The following TIRAP variants were observed in gnomAD, a reference collection of about 807,000 sequenced individuals.
TIRAP encodes TIR domain containing adaptor protein.
A neutral mutation model predicts 19.8 loss-of-function variants in TIRAP; 20 were observed. The ratio of observed to expected loss-of-function variants is 1.01; its 90% confidence interval spans 0.71 to 1.47. The LOEUF (loss-of-function observed/expected upper bound fraction) is 1.47, where lower values mean the gene tolerates loss of function less well. Among genes scored for constraint, TIRAP ranks in the 40% most tolerant of loss-of-function variants. The pLI is 0.00. For missense variants in TIRAP, 276 were observed against 285.1 expected, an observed-to-expected ratio of 0.97 and a Z score of 0.23; for synonymous variants, 125 against 121.7, an observed-to-expected ratio of 1.03 and a Z score of -0.18.
chr11:126,289,975 G>A (rs1009364606), intron 1 of TIRAP: 2 of 299,466 alleles, frequency 6.7e-6, no homozygotes, highest in Admixed American at 6.5e-5. Context: ...GATCAGTTTG[G>A]GAAACGTTAA....
chr11:126,294,595 CTG>C lies in TIRAP; in HGVS notation c.*910_*911del. 1 of 456,110 alleles carries C rather than the reference CTG, an allele frequency of 2.2e-6. No individual in the cohort carries two copies. The highest frequency in any genetic ancestry group is 4.4e-6 in the Non-Finnish European group (1 of 226,904). 28.3% of individuals were successfully genotyped at this position (456,110 alleles called of 1,614,324 possible). A position where few individuals can be genotyped will look rare whatever the true frequency, so the allele number is the denominator to read the frequency against. ...TCACCATTTTTCTTCTGGCAGATGACTGTATTCCTTATAGGACAGGCAAGGTT... is the reference window on the plus strand; with the variant it reads ...TCACCATTTTTCTTCTGGCAGATGACTATTCCTTATAGGACAGGCAAGGTT... On this transcript the variant is annotated 3_prime_UTR_variant, in exon 5 of 5. Coordinates refer to ENST00000392679, the MANE Select transcript of TIRAP (RefSeq NM_001318777.2).
In TIRAP at chr11:126,288,939, T is replaced by A. The variant is rs1272240912; in HGVS notation, c.-216-1523T>A. On this transcript the variant is annotated intron_variant, in intron 1 of 4. Transcript: ENST00000392679. The surrounding 1 kb of genome is among the most constrained non-coding windows in gnomAD (Gnocchi z 5.0). ...TGCAAAAACCAAGTGACATCATGTT[T>A]ACTACTGGGGGCAAAAAGGCATCCT... 6.6e-6 allele frequency among the ~76,000 whole-genome samples: 1 copy of A among 152,198 alleles called. No homozygotes were observed. The highest frequency in any genetic ancestry group is 1.5e-5 in the Non-Finnish European group (1 of 68,038).
Position 126,290,952 on chromosome 11 carries a change from A to T in TIRAP, c.58A>T (p.Lys20Ter). 2 of 1,605,648 alleles carry T rather than the reference A, an allele frequency of 1.2e-6. No individual in the cohort carries two copies. The highest frequency in any genetic ancestry group is 1.7e-6 in the Non-Finnish European group (2 of 1,175,490). ...PGSRPKKPLGKMADWFRQTLL... is the reference protein window; with the variant it reads ...PGSRPKKPLG ...CTCTCGGCCTAAGAAGCCTCTAGGCAAGATGGCTGGTGAGTGGAACCGGAC... is the reference window on the plus strand; with the variant it reads ...CTCTCGGCCTAAGAAGCCTCTAGGCTAGATGGCTGGTGAGTGGAACCGGAC... Residue 20 changes from lysine (K) to a stop codon, truncating the protein, a stop_gained, in exon 3 of 5, where the codon AAG (lysine) becomes TAG (stop). Transcript: ENST00000392679. LOFTEE classifies it high-confidence loss of function. This position sits in a 1 kb window ranked among gnomAD's most constrained non-coding sequence, Gnocchi z 4.9.
Position 126,288,701 on chromosome 11 carries a change from C to T in TIRAP, c.-216-1761C>T, listed in dbSNP as rs1168401175. 1.3e-5 allele frequency: 2 copies of T among 152,130 alleles called. No homozygotes were observed. The highest frequency in any genetic ancestry group is 1.3e-4 in the Admixed American group (2 of 15,264). The allele number at this position is 152,130 out of a possible 1,614,324, so 9.4% of individuals were successfully genotyped here. ...AACCAAGCAATGGAAAAGCAATTTCCCCCAATTAGCATGCGTTGCCAAAAG... is the reference window on the plus strand; with the variant it reads ...AACCAAGCAATGGAAAAGCAATTTCTCCCAATTAGCATGCGTTGCCAAAAG... On this transcript the variant is annotated intron_variant, in intron 1 of 4. Transcript: ENST00000392679. This position sits in a 1 kb window ranked among gnomAD's most constrained non-coding sequence, Gnocchi z 5.0.
rs1266413351 is a variant in TIRAP at position 126,294,570 on chromosome 11, T to C, written c.*883T>C. 1 of 456,288 alleles carries C rather than the reference T, an allele frequency of 2.2e-6. No homozygotes were observed. Among genetic ancestry groups the C allele is most frequent in the South Asian group, 1.5e-5 (1 of 64,576 alleles). 28.3% of individuals were successfully genotyped at this position (456,288 alleles called of 1,614,324 possible). On this transcript the variant is annotated 3_prime_UTR_variant, in exon 5 of 5. Transcript: ENST00000392679. ...ATCTTCACCTTTGGACTGGGAAGAATCACCATTTTTCTTCTGGCAGATGAC... is the reference window on the plus strand; with the variant it reads ...ATCTTCACCTTTGGACTGGGAAGAACCACCATTTTTCTTCTGGCAGATGAC...
intron 1 of TIRAP, among the ~76,000 whole-genome samples, chr11:126,285,243 G>GTGTGTGTGTGTATATATA: frequency 4.1e-3 from 442 of 106,958 alleles, no homozygotes; most frequent in African/African-American, 0.01. Context: ...GTGTGTGTGT[G>GTGTGTGTGTGTATATATA]TATATATATA....
In TIRAP at chr11:126,290,848, C is replaced by A. The variant is rs767436996; in HGVS notation, c.-47C>A. On this transcript the variant is annotated 5_prime_UTR_variant, in exon 3 of 5. Transcript: ENST00000392679. The surrounding 1 kb of genome is among the most constrained non-coding windows in gnomAD (Gnocchi z 4.9). ...AAGACTGGGTCTCCTCCCTCCTCCC[C>A]CTTCACCAATGCCTGGTCTCACGGG... The A allele has an allele frequency of 6.4e-7, 1 of 1,569,332 alleles. No individual in the cohort carries two copies. Among genetic ancestry groups the A allele is most frequent in the Non-Finnish European group, 8.6e-7 (1 of 1,156,304 alleles).
Position 126,284,558 on chromosome 11 carries a change from T to C in TIRAP, c.-217+1405T>C, listed in dbSNP as rs529445226. The stretch of plus-strand genomic sequence containing the variant: ...AGACATTCTTGTGAATGTCTTTTGG[T>C]AAACATCTGTAAGCAGGCGGGGAAC... On this transcript the variant is annotated intron_variant, in intron 1 of 4. Transcript: ENST00000392679. Among the ~76,000 whole-genome samples the C allele has an allele frequency of 1.6e-4, 25 of 152,148 alleles. No homozygotes were observed. The South Asian group carries it at 5.0e-3, about 30-fold the overall frequency.
chr11:126,285,928 G>A (rs557049744), intron 1 of TIRAP, among the ~76,000 whole-genome samples: 1 of 151,894 alleles, frequency 6.6e-6, no homozygotes, highest in East Asian at 1.9e-4. Flanking sequence ...GGTGGCTCAC[G>A]TCTTTAATTC....
Position 126,286,829 on chromosome 11 carries a change from G to C in TIRAP, c.-216-3633G>C, listed in dbSNP as rs373114883. ...TTAGTGGCCTCAAACAACACACATTGATTATCCTGCCGTTCTAAGATGGGT... is the reference window on the plus strand; with the variant it reads ...TTAGTGGCCTCAAACAACACACATTCATTATCCTGCCGTTCTAAGATGGGT... On this transcript the variant is annotated intron_variant, in intron 1 of 4. Transcript: ENST00000392679. Among the ~76,000 whole-genome samples the C allele has an allele frequency of 1.7e-4, 26 of 152,280 alleles. 2 individuals carry two copies. The highest frequency in any genetic ancestry group is 5.5e-4 in the African/African-American group (23 of 41,558).
chr11:126,285,509 C>T (rs370429130), intron 1 of TIRAP, among the ~76,000 whole-genome samples: 19 of 151,662 alleles, frequency 1.3e-4, no homozygotes, highest in East Asian at 1.2e-3. Context: ...ATCCGCCCGC[C>T]TCGGCCTCCC....
rs1414478460 is a variant in TIRAP at position 126,287,305 on chromosome 11, A to G, written c.-216-3157A>G. Among the ~76,000 whole-genome samples the G allele has an allele frequency of 6.6e-6, 1 of 151,340 alleles. No homozygotes were observed. Among genetic ancestry groups the G allele is most frequent in the Non-Finnish European group, 1.5e-5 (1 of 67,870 alleles). ...GGAGACCAGTTTGATATTGGATACTAAATACACTTTGGATTTTTTTTTTTT... is the reference window on the plus strand; with the variant it reads ...GGAGACCAGTTTGATATTGGATACTGAATACACTTTGGATTTTTTTTTTTT... On this transcript the variant is annotated intron_variant, in intron 1 of 4. Transcript: ENST00000392679. This position sits in a 1 kb window ranked among gnomAD's most constrained non-coding sequence, Gnocchi z 4.2.
In TIRAP at chr11:126,291,143, G is replaced by T; in HGVS notation, c.67+182G>T. 4.2e-6 allele frequency: 3 copies of T among 722,068 alleles called. No individual in the cohort carries two copies. The highest frequency in any genetic ancestry group is 6.7e-6 in the Non-Finnish European group (3 of 450,662). The allele number at this position is 722,068 out of a possible 1,614,324, so 44.7% of individuals were successfully genotyped here. ...TGGAGAGTGAGGAGGGGAGGCCTGC[G>T]TCAGCTCAGCCAGATCTTTATCCTT... On this transcript the variant is annotated intron_variant, in intron 3 of 4. Transcript: ENST00000392679. The surrounding 1 kb of genome is among the most constrained non-coding windows in gnomAD (Gnocchi z 5.6).
intron 4 of TIRAP, chr11:126,293,460 G>A (rs781600598): frequency 1.4e-6 from 1 of 722,496 alleles, no homozygotes; most frequent in Admixed American, 2.0e-5. Flanking sequence ...CAAGAGCTGG[G>A]AAGGTGCCAG....
chr11:126,292,581 C>T lies in TIRAP; in HGVS notation c.172C>T (p.Pro58Ser). ...SQPTSQDSPLPPSLSSVTSPS... is the reference protein window; with the variant it reads ...SQPTSQDSPLSPSLSSVTSPS... ...GCCTACCTCACAGGACAGCCCACTA[C>T]CCCCAAGCCTCAGCTCAGTCACGTC... Residue 58 changes from proline (P) to serine (S), a missense_variant, in exon 4 of 5, where the codon CCC (proline) becomes TCC (serine). By Grantham distance (74) the Pro-to-Ser change is moderately conservative (BLOSUM62 -1). Coordinates refer to ENST00000392679, the MANE Select transcript of TIRAP (RefSeq NM_001318777.2). 1 of 1,614,184 alleles carries T rather than the reference C, an allele frequency of 6.2e-7. No individual in the cohort carries two copies. Among genetic ancestry groups the T allele is most frequent in the Non-Finnish European group, 8.5e-7 (1 of 1,180,020 alleles).
chr11:126,292,135 C>T, intron 3 of TIRAP, among the ~76,000 whole-genome samples: 1 of 151,778 alleles, frequency 6.6e-6, no homozygotes, highest in Non-Finnish European at 1.5e-5. Context: ...GAAACCCCGT[C>T]TCTACTAAAA....
In TIRAP at chr11:126,294,523, AG is replaced by A. The variant is rs1224263529; in HGVS notation, c.*837del. 2 of 456,334 alleles carry A rather than the reference AG, an allele frequency of 4.4e-6. No homozygotes were observed. The highest frequency in any genetic ancestry group is 8.8e-6 in the Non-Finnish European group (2 of 226,970). 28.3% of individuals were successfully genotyped at this position (456,334 alleles called of 1,614,324 possible). On this transcript the variant is annotated 3_prime_UTR_variant, in exon 5 of 5. Transcript: ENST00000392679. ...GGAGCTTCATCAGTGGTCTGGCTAA[AG>A]CTGATACTTTCACAGTCACCATCTT... is the stretch of plus-strand genomic sequence containing the variant.
rs2135290855 is a variant in TIRAP, at chr11:126,291,531, A to G, written c.67+570A>G. The G allele has an allele frequency of 2.8e-6, 2 of 721,606 alleles. No homozygotes were observed. Among genetic ancestry groups the G allele is most frequent in the Non-Finnish European group, 4.3e-6 (2 of 468,916 alleles). 44.7% of individuals were successfully genotyped at this position (721,606 alleles called of 1,614,324 possible). ...AACTTTCAGCAACTAAGACAGGTCC[A>G]CAAGTCCACAGTCAAAGCCGTGTCC... On this transcript the variant is annotated intron_variant, in intron 3 of 4. Transcript: ENST00000392679. The surrounding 1 kb of genome is among the most constrained non-coding windows in gnomAD (Gnocchi z 5.6).
rs775475383 is a variant in TIRAP, at chr11:126,294,040, C to G, written c.*353C>G. ...CCAGCAGGACTCATCTCCTGCCTAA[C>G]TGGACAGGAAGCCTGGCACCCACTT... On this transcript the variant is annotated 3_prime_UTR_variant, in exon 5 of 5. Coordinates refer to ENST00000392679, the MANE Select transcript of TIRAP (RefSeq NM_001318777.2). 6.2e-6 allele frequency: 2 copies of G among 320,646 alleles called. No homozygotes were observed. Among genetic ancestry groups the G allele is most frequent in the Non-Finnish European group, 1.2e-5 (2 of 166,708 alleles). The allele number at this position is 320,646 out of a possible 1,614,324, so 19.9% of individuals were successfully genotyped here. A position where few individuals can be genotyped will look rare whatever the true frequency, so the allele number is the denominator to read the frequency against.
Sources: allele counts gnomAD v4.1 joint callset (sites outside exome capture counted in the v4.1 genomes callset), GRCh38; gene constraint gnomAD v4.1.1; non-coding constraint Gnocchi (gnomAD v3.1); transcripts MANE v1.5; gene names NCBI Gene and HGNC (gene_info 2026-07-23, HGNC 2026-07-21).